The following DHRSX variants were observed in gnomAD, a reference collection of about 807,000 sequenced individuals.
DHRSX encodes the protein dehydrogenase/reductase X-linked, also known as polyprenol dehydrogenase.
In DHRSX, 31 loss-of-function variants were observed where a neutral mutation model predicts 34.0. The observed-to-expected ratio is 0.91, with a 90% CI of 0.69 to 1.23. DHRSX has a LOEUF of 1.23. Among genes scored for constraint, DHRSX ranks in the 50% most tolerant of loss-of-function variants. The pLI, the probability that DHRSX is intolerant of heterozygous loss-of-function variation, is 0.00. For synonymous variants in DHRSX, 201 were observed against 183.8 expected, an observed-to-expected ratio of 1.09 and a Z score of -0.76; for missense variants, 414 against 428.1, an observed-to-expected ratio of 0.97 and a Z score of 0.29.
At chrX:2,314,231 GAGGGAGGGA>G (rs2042201042) in intron 3 of DHRSX, among the ~76,000 whole-genome samples, 1 of 10,212 alleles carries the variant, frequency 9.8e-5, no homozygotes, top group Non-Finnish European at 2.1e-4. Flanking sequence ...GGAAGGAAGG[GAGGGAGGGA>G]AGGAAGGGAG....
chrX:2,364,671 TATC>T (rs1024755963), intron 3 of DHRSX, among the ~76,000 whole-genome samples: 2 of 152,302 alleles, frequency 1.3e-5, no homozygotes. Context: ...ATTTATCATC[TATC>T]ATCTACTTAT....
intron 1 of DHRSX, among the ~76,000 whole-genome samples, chrX:2,472,553 T>G (rs1388309364): frequency 6.6e-6 from 1 of 152,072 alleles, no homozygotes; most frequent in African/African-American, 2.4e-5. Context: ...GTGGATCACT[T>G]GAGGCCAGGA....
At chrX:2,451,737 A>G (rs1329169280) in intron 1 of DHRSX, among the ~76,000 whole-genome samples, 2 of 152,212 alleles carry the variant, frequency 1.3e-5, no homozygotes, top group African/African-American at 2.4e-5. Flanking sequence ...AAAGCAGCTT[A>G]CAGGGTGAAA....
intron 6 of DHRSX, among the ~76,000 whole-genome samples, chrX:2,230,471 G>C (rs917142640): frequency 1.3e-5 from 2 of 152,178 alleles, no homozygotes; most frequent in African/African-American, 4.8e-5. Context: ...TTAATGTCAG[G>C]TAACACAGGT....
rs558123444 is a variant in DHRSX at position 2,406,224 on chromosome X, G to A, written c.286+2521C>T. Among the ~76,000 whole-genome samples the A allele has an allele frequency of 7.9e-5, 12 of 151,812 alleles. No individual in the cohort carries two copies. The East Asian group carries it at 9.9e-4, about 13-fold the overall frequency. On this transcript the variant is annotated intron_variant, in intron 3 of 6. Coordinates refer to ENST00000334651, the MANE Select transcript of DHRSX (RefSeq NM_145177.3). The stretch of plus-strand genomic sequence containing the variant: ...GAAGAATCGCTTGAACCTGGGAGCC[G>A]GAGGTTGCAGTGAGCCGAGATCGCA...
chrX:2,328,986 G>T (rs914314668), intron 3 of DHRSX, among the ~76,000 whole-genome samples: 6 of 152,084 alleles, frequency 3.9e-5, no homozygotes, highest in African/African-American at 1.4e-4. Context: ...TTCTACTCGG[G>T]GATGGTACCT....
chrX:2,269,793 G>C (rs1419736944), intron 4 of DHRSX, among the ~76,000 whole-genome samples: 4 of 152,108 alleles, frequency 2.6e-5, no homozygotes, highest in Non-Finnish European at 5.9e-5. Flanking sequence ...GCCCACCTCG[G>C]CCTCCCTAAG....
chrX:2,368,332 C>T (rs2043018503), intron 3 of DHRSX, among the ~76,000 whole-genome samples: 1 of 151,778 alleles, frequency 6.6e-6, no homozygotes, highest in Admixed American at 6.6e-5. Flanking sequence ...GAGGGGTACC[C>T]AAGTCACATA....
intron 3 of DHRSX, among the ~76,000 whole-genome samples, chrX:2,388,553 T>C (rs1210564223): frequency 1.2e-4 from 17 of 140,278 alleles, no homozygotes; most frequent in Middle Eastern, 5.1e-3. Flanking sequence ...TGATCTCAGA[T>C]GTCCAGCCTC....
At chrX:2,292,095 T>C (rs138170505) in intron 3 of DHRSX, among the ~76,000 whole-genome samples, 10,965 of 152,046 alleles carry the variant, frequency 0.072, 644 homozygotes, top group African/African-American at 0.16. Context: ...GCTCATACTC[T>C]AGGGAGATCA....
chrX:2,473,201 G>A (rs1291934616), intron 1 of DHRSX, among the ~76,000 whole-genome samples: 2 of 152,280 alleles, frequency 1.3e-5, no homozygotes, highest in South Asian at 2.1e-4. Context: ...CACGTGGGAC[G>A]CCAAAAACCA....
intron 6 of DHRSX, among the ~76,000 whole-genome samples, chrX:2,234,672 A>G (rs1175987991): frequency 3.9e-5 from 6 of 152,234 alleles, no homozygotes; most frequent in Non-Finnish European, 7.3e-5. Context: ...TTGCAGTGAC[A>G]TGGACAAACA....
Position 2,489,835 on chromosome X carries a change from G to A in DHRSX, c.109+10982C>T, listed in dbSNP as rs762117787. On this transcript the variant is annotated intron_variant, in intron 1 of 6. Transcript: ENST00000334651. ...GGAAGGCCTGCTGGATGCCGGCATTGAAGGTGTGGCCCAGGCAGGGCATGT... is the reference window on the plus strand; with the variant it reads ...GGAAGGCCTGCTGGATGCCGGCATTAAAGGTGTGGCCCAGGCAGGGCATGT... 8.1e-6 allele frequency: 13 copies of A among 1,613,600 alleles called. No individual in the cohort carries two copies. The African/African-American group carries it at 1.3e-4, about 17-fold the overall frequency.
At chrX:2,425,446 C>CTTGA in intron 1 of DHRSX, 142 bp from the exon 2 acceptor site, 1 of 743,020 alleles carries the variant, frequency 1.3e-6, no homozygotes, top group East Asian at 2.7e-5. Context: ...TGAATTCCCA[C>CTTGA]AGGCTCAGGA....
intron 1 of DHRSX, among the ~76,000 whole-genome samples, chrX:2,474,329 C>CA (rs1284649232): frequency 6.6e-6 from 1 of 152,052 alleles, no homozygotes; most frequent in Non-Finnish European, 1.5e-5. Flanking sequence ...GGACTGCCAC[C>CA]ATGTACACAC....
At chrX:2,303,420 T>A (rs939877967) in intron 3 of DHRSX, among the ~76,000 whole-genome samples, 7 of 151,970 alleles carry the variant, frequency 4.6e-5, no homozygotes, top group African/African-American at 1.7e-4. Flanking sequence ...TCCCACAAGA[T>A]CTGGTTGTTT....
chrX:2,329,873 G>T (rs778502151), intron 3 of DHRSX, among the ~76,000 whole-genome samples: 9 of 152,072 alleles, frequency 5.9e-5, no homozygotes, highest in African/African-American at 2.2e-4. Context: ...AAACACACAA[G>T]TATCAGCTCA....
intron 5 of DHRSX, among the ~76,000 whole-genome samples, chrX:2,246,704 AAGAGAAAGAAAGAAAGAAAG>A (rs2016296041): frequency 1.3e-5 from 1 of 76,656 alleles, no homozygotes; most frequent in African/African-American, 5.8e-5. Context: ...AAAAGAAAGA[AAGAGAAAGAAAGAAAGAAAG>A]AAAGAAAGAA....
At chrX:2,363,211 A>G (rs1308991484) in intron 3 of DHRSX, among the ~76,000 whole-genome samples, 1 of 120,442 alleles carries the variant, frequency 8.3e-6, no homozygotes, top group Non-Finnish European at 1.9e-5. Flanking sequence ...CCGCCATTTT[A>G]TCACCGTTCT....
Sources: allele counts gnomAD v4.1 joint callset (sites outside exome capture counted in the v4.1 genomes callset), GRCh38; gene constraint gnomAD v4.1.1; transcripts MANE v1.5; gene names NCBI Gene and HGNC (gene_info 2026-07-23, HGNC 2026-07-21).